RSU1: variants seen among roughly 807,000 people sequenced by gnomAD.
The protein encoded by RSU1 is Ras suppressor protein 1.
In RSU1, 26 loss-of-function variants were observed where a neutral mutation model predicts 31.1. The observed-to-expected ratio is 0.84, with a 90% CI of 0.61 to 1.16. RSU1 has a LOEUF of 1.16. Ranked by LOEUF, RSU1 falls within the 50% of genes most tolerant of loss-of-function variation. RSU1 has a pLI of 0.00. For synonymous variants in RSU1, 164 were observed against 136.3 expected (o/e 1.20, Z -1.41); for missense variants, 320 against 339.1 (o/e 0.94, Z 0.44).
chr10:16,803,729 A>G (rs1838209078), intron 2 of RSU1, among the ~76,000 whole-genome samples: 1 of 152,222 alleles, frequency 6.6e-6, no homozygotes, highest in Non-Finnish European at 1.5e-5. Flanking sequence ...ATTCAGTGAG[A>G]AAAGGAGTCT....
intron 8 of RSU1, among the ~76,000 whole-genome samples, chr10:16,653,155 CAAAG>C (rs1834716958): frequency 6.6e-6 from 1 of 152,090 alleles, no homozygotes; most frequent in Admixed American, 6.5e-5. Context: ...ATGAGGCAAG[CAAAG>C]AAAGGGAAGA....
chr10:16,609,915 C>T (rs1240188696), intron 8 of RSU1, among the ~76,000 whole-genome samples: 1 of 152,144 alleles, frequency 6.6e-6, no homozygotes, highest in African/African-American at 2.4e-5. Context: ...CATATCTCTG[C>T]AGAATAGCGC....
chr10:16,608,174 T>A (rs574368164), intron 8 of RSU1, among the ~76,000 whole-genome samples: 1 of 152,180 alleles, frequency 6.6e-6, no homozygotes, highest in Non-Finnish European at 1.5e-5. Context: ...TTTCCCCTCC[T>A]CCATCGCCCA....
chr10:16,701,548 C>A (rs1371028102), intron 7 of RSU1, among the ~76,000 whole-genome samples: 29 of 152,112 alleles, frequency 1.9e-4, no homozygotes. Context: ...CATTGCATTG[C>A]TGCTTTAAGA....
At chr10:16,766,722 A>C (rs571620243) in intron 3 of RSU1, among the ~76,000 whole-genome samples, 2 of 151,934 alleles carry the variant, frequency 1.3e-5, no homozygotes, top group South Asian at 4.2e-4. Flanking sequence ...TCTCGAGAAG[A>C]GAAAAGATTG....
intron 8 of RSU1, among the ~76,000 whole-genome samples, chr10:16,624,467 C>T (rs1834121939): frequency 6.6e-6 from 1 of 152,138 alleles, no homozygotes; most frequent in Non-Finnish European, 1.5e-5. Context: ...TGTCAATCCT[C>T]CCTCTGAACT....
chr10:16,695,156 C>CTGG lies in RSU1; in HGVS notation c.599-4_599-2dup, dbSNP rs1835647261. 4 of 1,391,014 alleles carry CTGG rather than the reference C, an allele frequency of 2.9e-6. No homozygotes were observed. Among genetic ancestry groups the CTGG allele is most frequent in the South Asian group, 2.7e-5 (2 of 75,256 alleles). The allele number at this position is 1,391,014 out of a possible 1,614,324, so 86.2% of individuals were successfully genotyped here. A position where few individuals can be genotyped will look rare whatever the true frequency, so the allele number is the denominator to read the frequency against. ...TTCTGGCCAGTTAAATCCAAGTTTC[C>CTGG]TGGGGGGGGGGAAAAAAAAAGTGAA... On this transcript the variant is annotated splice_acceptor_variant, in intron 7 of 8. Coordinates refer to ENST00000345264, the MANE Select transcript of RSU1 (RefSeq NM_012425.4). LOFTEE classifies it high-confidence loss of function.
intron 2 of RSU1, among the ~76,000 whole-genome samples, chr10:16,815,901 G>A (rs1242684280): frequency 6.6e-6 from 1 of 152,218 alleles, no homozygotes; most frequent in Non-Finnish European, 1.5e-5. Context: ...AGATCTGAAC[G>A]AGTAGGCTCT....
At chr10:16,717,836 C>G (rs573680867) in intron 7 of RSU1, among the ~76,000 whole-genome samples, 3 of 151,312 alleles carry the variant, frequency 2.0e-5, no homozygotes, top group Non-Finnish European at 4.4e-5. Context: ...AGTCCTAACA[C>G]AAAAAAAACG....
In RSU1 at chr10:16,773,776, T is replaced by C. The variant is rs544887138; in HGVS notation, c.160+8258A>G. On this transcript the variant is annotated intron_variant, in intron 3 of 8. Transcript: ENST00000345264. Reference sequence around the variant, plus strand: ...CCTTGTATTTCTTTCCACACAGTGCTGGTTCAGTTGGATGAAAAGGAGGGC... The same window carrying C: ...CCTTGTATTTCTTTCCACACAGTGCCGGTTCAGTTGGATGAAAAGGAGGGC... Among the ~76,000 whole-genome samples the C allele has an allele frequency of 1.1e-4, 16 of 152,306 alleles. No homozygotes were observed. The South Asian group carries it at 3.3e-3, about 32-fold the overall frequency.
chr10:16,759,278 T>C (rs144060371), intron 4 of RSU1, among the ~76,000 whole-genome samples: 111 of 152,206 alleles, frequency 7.3e-4, no homozygotes, highest in African/African-American at 2.5e-3. Context: ...CACAGGCAGA[T>C]TGCTTAAGCT....
At chr10:16,670,931 A>C (rs112320036) in intron 8 of RSU1, among the ~76,000 whole-genome samples, 1 of 151,824 alleles carries the variant, frequency 6.6e-6, no homozygotes, top group Non-Finnish European at 1.5e-5. Flanking sequence ...CGCCCGGCTA[A>C]TTTTTTGTAT....
rs569049316 is a variant in RSU1 at position 16,741,043 on chromosome 10, T to A, written c.598+11496A>T. Among the ~76,000 whole-genome samples the A allele has an allele frequency of 3.0e-4, 45 of 152,294 alleles. No homozygotes were observed. The South Asian group carries it at 7.5e-3, about 25-fold the overall frequency. ...AAGAATAACAAAGTTGAAACTAACA[T>A]GCCCCAATTTAAAAACTTACTACAA... On this transcript the variant is annotated intron_variant, in intron 7 of 8. Coordinates refer to ENST00000345264, the MANE Select transcript of RSU1 (RefSeq NM_012425.4).
chr10:16,754,545 A>G (rs1379538460), intron 5 of RSU1, among the ~76,000 whole-genome samples: 2 of 134,706 alleles, frequency 1.5e-5, no homozygotes, highest in African/African-American at 6.7e-5. Flanking sequence ...ATAGGAAGAT[A>G]CTTTTTTTTT....
At chr10:16,761,443 G>C (rs74125868) in intron 4 of RSU1, among the ~76,000 whole-genome samples, 6,723 of 152,178 alleles carry the variant, frequency 0.044, 349 homozygotes, top group East Asian at 0.13. Context: ...CAGACATCCA[G>C]GATTCCCTGT....
In RSU1 at chr10:16,682,535, TACACACAC is replaced by T. The variant is rs68128821; in HGVS notation, c.731+12480_731+12487del. 2.3e-4 allele frequency among the ~76,000 whole-genome samples: 6 copies of T among 26,506 alleles called. No individual in the cohort carries two copies. The East Asian group carries it at 2.7e-3, about 12-fold the overall frequency. 17.4% of individuals were successfully genotyped at this position (26,506 alleles called of 152,430 possible). A position where few individuals can be genotyped will look rare whatever the true frequency, so the allele number is the denominator to read the frequency against. ...CTCCATGGTCTTTTAAAATCATTCA[TACACACAC>T]ACACACACACACACACACACACACA... On this transcript the variant is annotated intron_variant, in intron 8 of 8. Coordinates refer to ENST00000345264, the MANE Select transcript of RSU1 (RefSeq NM_012425.4).
At chr10:16,766,723 G>A (rs532328000) in intron 3 of RSU1, among the ~76,000 whole-genome samples, 155 of 150,208 alleles carry the variant, frequency 1.0e-3, no homozygotes, top group African/African-American at 3.7e-3. Context: ...CTCGAGAAGA[G>A]AAAAGATTGG....
intron 3 of RSU1, among the ~76,000 whole-genome samples, chr10:16,765,546 C>A (rs181784469): frequency 1.3e-5 from 2 of 152,166 alleles, no homozygotes; most frequent in African/African-American, 4.8e-5. Flanking sequence ...AATGTAAAAG[C>A]CAAAGGCATC....
At chr10:16,663,734 C>A (rs1465574095) in intron 8 of RSU1, among the ~76,000 whole-genome samples, 3 of 152,192 alleles carry the variant, frequency 2.0e-5, no homozygotes, top group African/African-American at 7.2e-5. Flanking sequence ...CTCTGCTCTG[C>A]ATACCCCACA....
Sources: gnomAD v4.1 joint callset for allele counts (sites outside exome capture counted in the v4.1 genomes callset) on GRCh38, gnomAD v4.1.1 for gene constraint, MANE v1.5 for transcripts, NCBI Gene and HGNC (gene_info 2026-07-23, HGNC 2026-07-21) for gene names.